Variants in GULP1 observed in about 807,000 individuals in gnomAD.
The protein encoded by GULP1 is PTB domain-containing engulfment adapter protein 1.
In GULP1, 19 loss-of-function variants were observed where a neutral mutation model predicts 40.9. The ratio of observed to expected loss-of-function variants is 0.46; its 90% confidence interval spans 0.32 to 0.68. GULP1 has a LOEUF of 0.68. GULP1 is among the 30% of genes least tolerant of loss of function. The pLI is 0.03. For missense variants in GULP1, 312 were observed against 362.2 expected, an observed-to-expected ratio of 0.86 and a Z score of 1.12; for synonymous variants, 119 against 117.6, an observed-to-expected ratio of 1.01 and a Z score of -0.08.
At chr2:188,329,410 A>G (rs1352830016) in intron 1 of GULP1, among the ~76,000 whole-genome samples, 2 of 152,162 alleles carry the variant, frequency 1.3e-5, no homozygotes, top group African/African-American at 4.8e-5. Context: ...TATCAGTGAC[A>G]TGTGAAGTAG....
At position 188,392,376 on chromosome 2, in the gene GULP1, A is replaced by G. The variant is rs555303088; in HGVS notation, c.-45+8487A>G. 1.2e-4 allele frequency among the ~76,000 whole-genome samples: 19 copies of G among 152,136 alleles called. No homozygotes were observed. The South Asian group carries it at 1.7e-3, about 13-fold the overall frequency. On this transcript the variant is annotated intron_variant, in intron 2 of 11. Transcript: ENST00000409830. The stretch of plus-strand genomic sequence containing the variant: ...TTTGTCCATTTTCTCTAGACTTCCT[A>G]GTTTGTGTGCATAGAGGTGTTCATA...
intron 1 of GULP1, among the ~76,000 whole-genome samples, chr2:188,349,966 A>G (rs7586390): frequency 0.49 from 74,326 of 151,888 alleles, 18,667 homozygotes; most frequent in East Asian, 0.72. Flanking sequence ...TTAAAAGACT[A>G]TTATTTCCCC....
chr2:188,357,256 C>T (rs752172604), intron 1 of GULP1, among the ~76,000 whole-genome samples: 2 of 152,068 alleles, frequency 1.3e-5, no homozygotes, highest in Non-Finnish European at 2.9e-5. Context: ...AAACCATCAA[C>T]AAAGTTAAAA....
intron 4 of GULP1, among the ~76,000 whole-genome samples, chr2:188,500,929 G>A (rs532552041): frequency 6.6e-6 from 1 of 151,962 alleles, no homozygotes; most frequent in East Asian, 1.9e-4. Context: ...TAGTACTTTA[G>A]CAGCAAGTAC....
intron 1 of GULP1, among the ~76,000 whole-genome samples, chr2:188,311,200 T>TA (rs1364769972): frequency 2.0e-5 from 3 of 152,206 alleles, no homozygotes; most frequent in South Asian, 2.1e-4. Flanking sequence ...TTTCCACAAA[T>TA]ACTTTTTTTT....
intron 2 of GULP1, among the ~76,000 whole-genome samples, chr2:188,452,607 G>T (rs1259349728): frequency 6.6e-6 from 1 of 152,064 alleles, no homozygotes; most frequent in Non-Finnish European, 1.5e-5. Context: ...GTTAATATGT[G>T]TTTCAAAACA....
At chr2:188,412,335 T>C (rs1012383525) in intron 2 of GULP1, among the ~76,000 whole-genome samples, 2 of 152,150 alleles carry the variant, frequency 1.3e-5, no homozygotes, top group Non-Finnish European at 2.9e-5. Flanking sequence ...AATGCACGCC[T>C]ACCCTTCCTT....
At chr2:188,296,380 G>T (rs1296034117) in intron 1 of GULP1, among the ~76,000 whole-genome samples, 1 of 151,990 alleles carries the variant, frequency 6.6e-6, no homozygotes, top group African/African-American at 2.4e-5. Flanking sequence ...TGTTATTTGC[G>T]AGTTTTTTGT....
At chr2:188,336,367 T>A (rs558730894) in intron 1 of GULP1, among the ~76,000 whole-genome samples, 13 of 152,168 alleles carry the variant, frequency 8.5e-5, no homozygotes, top group Admixed American at 2.0e-4. Context: ...ATGGGCCTAT[T>A]GAACTATATC....
At chr2:188,312,020 A>G (rs1436672606) in intron 1 of GULP1, among the ~76,000 whole-genome samples, 2 of 151,894 alleles carry the variant, frequency 1.3e-5, no homozygotes, top group Non-Finnish European at 2.9e-5. Context: ...GCATTAATAT[A>G]GACTTCTAAC....
intron 4 of GULP1, among the ~76,000 whole-genome samples, chr2:188,509,818 A>C (rs1372110253): frequency 6.6e-6 from 1 of 152,040 alleles, no homozygotes. Context: ...GGTAGAATGG[A>C]GTGAAAGAAC....
chr2:188,408,496 C>T (rs944362441), intron 2 of GULP1, among the ~76,000 whole-genome samples: 1 of 152,086 alleles, frequency 6.6e-6, no homozygotes, highest in Non-Finnish European at 1.5e-5. Flanking sequence ...ATGTACCAAA[C>T]AGTGGAGCAC....
rs182505602 is a variant in GULP1, at chr2:188,395,652, G to T, written c.-45+11763G>T. ...CATCCAGATTTTTTTGTCCCATGAG[G>T]TGTTCCCTTGATATAGTGCACTTCT... On this transcript the variant is annotated intron_variant, in intron 2 of 11. Coordinates refer to ENST00000409830, the MANE Select transcript of GULP1 (RefSeq NM_016315.4). 2.7e-3 allele frequency among the ~76,000 whole-genome samples: 408 copies of T among 152,246 alleles called. 3 individuals are homozygous for T. Among genetic ancestry groups the T allele is most frequent in the Admixed American group, 2.8e-3 (43 of 15,292 alleles).
intron 1 of GULP1, among the ~76,000 whole-genome samples, chr2:188,337,623 A>G (rs2042444628): frequency 6.6e-6 from 1 of 151,748 alleles, no homozygotes; most frequent in Non-Finnish European, 1.5e-5. Flanking sequence ...GAGCTTATAA[A>G]ATAGTGTGTT....
intron 11 of GULP1, chr2:188,590,982 A>T (rs1358598820): frequency 6.6e-6 from 1 of 152,134 alleles, no homozygotes; most frequent in Non-Finnish European, 1.5e-5. Context: ...TTGAATTGAA[A>T]AGAAAATTTT....
At chr2:188,533,347 A>C (rs992344483) in intron 6 of GULP1, among the ~76,000 whole-genome samples, 11 of 152,082 alleles carry the variant, frequency 7.2e-5, no homozygotes, top group Non-Finnish European at 1.3e-4. Flanking sequence ...CAGCCATCTG[A>C]TTTTTTGACA....
At chr2:188,416,195 A>C (rs994563760) in intron 2 of GULP1, among the ~76,000 whole-genome samples, 2 of 150,808 alleles carry the variant, frequency 1.3e-5, no homozygotes, top group Admixed American at 6.6e-5. Context: ...TGCTTCCTCC[A>C]TCTTTTTTTC....
At chr2:188,377,379 A>T (rs2048432393) in intron 1 of GULP1, among the ~76,000 whole-genome samples, 1 of 152,180 alleles carries the variant, frequency 6.6e-6, no homozygotes, top group South Asian at 2.1e-4. Flanking sequence ...CTAAGTTCAC[A>T]TTAATATGCA....
intron 2 of GULP1, among the ~76,000 whole-genome samples, chr2:188,461,540 G>T (rs2059708280): frequency 6.6e-6 from 1 of 151,840 alleles, no homozygotes; most frequent in African/African-American, 2.4e-5. Flanking sequence ...CCCGACCTCA[G>T]GTGATCCACC....
Sources: gnomAD v4.1 joint callset for allele counts (sites outside exome capture counted in the v4.1 genomes callset) on GRCh38, gnomAD v4.1.1 for gene constraint, MANE v1.5 for transcripts, NCBI Gene and HGNC (gene_info 2026-07-23, HGNC 2026-07-21) for gene names.